Variants in VAC14 observed in about 807,000 individuals in gnomAD.
The protein encoded by VAC14 is protein VAC14 homolog.
Under a neutral mutation model 85.3 loss-of-function variants are expected in VAC14, and 47 were observed. The observed-to-expected ratio is 0.55, with a 90% CI of 0.44 to 0.70. The LOEUF (loss-of-function observed/expected upper bound fraction) is 0.70, where lower values mean the gene tolerates loss of function less well. Ranked by LOEUF, VAC14 falls within the 30% of genes least tolerant of loss-of-function variation. VAC14 has a pLI of 0.00. For missense variants in VAC14, 861 were observed against 1,004.3 expected (o/e 0.86, Z 1.93); for synonymous variants, 447 against 430.5 (o/e 1.04, Z -0.47).
intron 12 of VAC14, among the ~76,000 whole-genome samples, chr16:70,751,277 A>T (rs1376782795): frequency 6.6e-6 from 1 of 152,350 alleles, no homozygotes; most frequent in South Asian, 2.1e-4. Context: ...AGGCCTGGCC[A>T]GGAAGAAGCT....
intron 18 of VAC14, 82 bp from the exon 19 acceptor site, chr16:70,688,172 C>G (rs2053534329): frequency 1.4e-6 from 2 of 1,385,246 alleles, no homozygotes; most frequent in Non-Finnish European, 1.9e-6. Context: ...GGGTCAGAGG[C>G]AGAGCCACAG....
chr16:70,759,900 GCT>G (rs2032181511), intron 12 of VAC14, among the ~76,000 whole-genome samples: 1 of 152,238 alleles, frequency 6.6e-6, no homozygotes, highest in South Asian at 2.1e-4. Context: ...CTGGGTTTGG[GCT>G]CTACCACCTC....
intron 10 of VAC14, chr16:70,771,541 T>A (rs1039404801): frequency 1.3e-4 from 20 of 152,190 alleles, no homozygotes; most frequent in African/African-American, 3.4e-4. Flanking sequence ...TAGCTTAATT[T>A]TTTTTTAATA....
At chr16:70,733,162 T>G (rs950715385) in intron 13 of VAC14, among the ~76,000 whole-genome samples, 12 of 152,198 alleles carry the variant, frequency 7.9e-5, no homozygotes, top group Non-Finnish European at 1.3e-4. Flanking sequence ...CCATGGCCCC[T>G]AGCGATCACT....
At position 70,744,529 on chromosome 16, in the gene VAC14, T is replaced by G. The variant is rs746275730; in HGVS notation, c.1422A>C (p.Ala474=). The change falls in exon 13 of 19, where the codon GCA becomes GCC. Residue 474 remains alanine (A), a synonymous_variant. Transcript: ENST00000261776. Reference sequence around the variant, plus strand: ...GGGGGCCTGGGTCATCCGTCTGGCCTGCGGGGGAGGAAGCGATTTCTGCCA... The same window carrying G: ...GGGGGCCTGGGTCATCCGTCTGGCCGGCGGGGGAGGAAGCGATTTCTGCCA... The part of the protein sequence containing the change: ...EVLAEIASSP[A]GQTDDPGPLD... 3.1e-6 allele frequency: 5 copies of G among 1,611,636 alleles called. No individual in the cohort carries two copies. The South Asian group carries it at 5.5e-5, about 18-fold the overall frequency.
intron 9 of VAC14, among the ~76,000 whole-genome samples, chr16:70,776,726 C>G (rs9936200): frequency 0.093 from 14,107 of 151,708 alleles, 1,888 homozygotes; most frequent in African/African-American, 0.3. Flanking sequence ...CACCACACCA[C>G]CTTCAGTTTT....
chr16:70,723,625 A>G (rs1396602184), intron 14 of VAC14, among the ~76,000 whole-genome samples: 2 of 152,212 alleles, frequency 1.3e-5, no homozygotes, highest in East Asian at 3.8e-4. Flanking sequence ...CCATCTAGAA[A>G]CAACTTCTCA....
intron 7 of VAC14, 28 bp from the exon 8 acceptor site, chr16:70,782,031 G>A: frequency 1.9e-6 from 3 of 1,608,656 alleles, no homozygotes; most frequent in Non-Finnish European, 2.6e-6. Context: ...GGGTTCAGAG[G>A]GGCCAGCACA....
intron 14 of VAC14, among the ~76,000 whole-genome samples, chr16:70,702,485 C>T (rs1286549495): frequency 2.0e-5 from 3 of 152,130 alleles, no homozygotes; most frequent in African/African-American, 7.2e-5. Context: ...ACCCTTGCTC[C>T]AGGAGGAAGA....
At chr16:70,744,636 T>A in intron 12 of VAC14, 57 bp from the exon 13 acceptor site, 1 of 1,509,126 alleles carries the variant, frequency 6.6e-7, no homozygotes, top group Non-Finnish European at 8.8e-7. Context: ...TGTGCTGACC[T>A]GGGCAGAGGT....
chr16:70,700,225 C>T (rs944131387), intron 14 of VAC14: 2 of 152,226 alleles, frequency 1.3e-5, no homozygotes, highest in African/African-American at 4.8e-5. Flanking sequence ...CCACAAAGCG[C>T]AAACAGTAGG....
intron 9 of VAC14, among the ~76,000 whole-genome samples, chr16:70,773,606 A>G (rs750976715): frequency 6.6e-6 from 1 of 152,142 alleles, no homozygotes; most frequent in Non-Finnish European, 1.5e-5. Flanking sequence ...GGGAGGTGCT[A>G]TAGGAAAAAA....
chr16:70,786,027 G>T, intron 2 of VAC14, 158 bp from the exon 3 acceptor site: 1 of 1,327,934 alleles, frequency 7.5e-7, no homozygotes, highest in Non-Finnish European at 1.0e-6. Context: ...TCCCAGGAGA[G>T]GGCCCATGCC....
intron 1 of VAC14, among the ~76,000 whole-genome samples, chr16:70,789,836 A>G (rs1168924735): frequency 6.6e-6 from 1 of 152,202 alleles, no homozygotes; most frequent in East Asian, 1.9e-4. Flanking sequence ...GGAAGCCAGG[A>G]CATGTTTCCG....
chr16:70,732,350 A>G (rs1378984860), intron 13 of VAC14, among the ~76,000 whole-genome samples: 1 of 152,172 alleles, frequency 6.6e-6, no homozygotes, highest in East Asian at 1.9e-4. Flanking sequence ...TGACTTTCTA[A>G]CCAGGAGCAC....
At chr16:70,781,792 C>G (rs183221972) in intron 8 of VAC14, 77 bp downstream of exon 8, 3 of 1,555,170 alleles carry the variant, frequency 1.9e-6, no homozygotes, top group Non-Finnish European at 2.6e-6. Flanking sequence ...GAGCCCCCAG[C>G]CCCCAGTGCA....
chr16:70,784,252 G>C, intron 4 of VAC14, 32 bp from the exon 5 acceptor site: 1 of 1,591,996 alleles, frequency 6.3e-7, no homozygotes, highest in East Asian at 2.2e-5. Flanking sequence ...GCTGCCGAGA[G>C]CCCGAGACCA....
intron 13 of VAC14, among the ~76,000 whole-genome samples, chr16:70,732,957 G>C (rs774729009): frequency 4.7e-4 from 71 of 152,104 alleles, no homozygotes; most frequent in Non-Finnish European, 1.6e-4. Context: ...CCCAAGGCAG[G>C]ACATCTTTAA....
At chr16:70,759,178 G>A (rs2032114858) in intron 12 of VAC14, among the ~76,000 whole-genome samples, 2 of 152,254 alleles carry the variant, frequency 1.3e-5, no homozygotes, top group Admixed American at 6.5e-5. Context: ...CTCAGCGAGA[G>A]GGAGGAGCAT....
Sources: allele counts gnomAD v4.1 joint callset (sites outside exome capture counted in the v4.1 genomes callset), GRCh38; gene constraint gnomAD v4.1.1; transcripts MANE v1.5; gene names NCBI Gene and HGNC (gene_info 2026-07-23, HGNC 2026-07-21).